The following TENM3 variants were observed in gnomAD, a reference collection of about 807,000 sequenced individuals.
TENM3 encodes the protein teneurin transmembrane protein 3.
A neutral mutation model predicts 255.1 loss-of-function variants in TENM3; 63 were observed. The observed-to-expected ratio is 0.25, with a 90% CI of 0.20 to 0.30. The LOEUF is 0.30. TENM3 is among the 10% of genes least tolerant of loss of function. The pLI is 1.00. For missense variants in TENM3, 2,929 were observed against 3,461.1 expected (o/e 0.85, Z 3.86); for synonymous variants, 1,306 against 1,322.3 (o/e 0.99, Z 0.27).
At chr4:182,402,581 A>G (rs1769280492) in intron 3 of TENM3, among the ~76,000 whole-genome samples, 2 of 152,216 alleles carry the variant, frequency 1.3e-5, no homozygotes, top group Admixed American at 1.3e-4. Flanking sequence ...AGTAAGCTTA[A>G]AAGAAAATTT....
intron 3 of TENM3, among the ~76,000 whole-genome samples, chr4:182,468,840 G>T (rs896425714): frequency 8.6e-5 from 8 of 93,554 alleles, no homozygotes; most frequent in African/African-American, 2.7e-4. Flanking sequence ...GTGTGTGTGT[G>T]TGTGTGTGTG....
chr4:182,123,443 T>C, the TENM3 span, among the ~76,000 whole-genome samples: 1 of 152,182 alleles, frequency 6.6e-6, no homozygotes, highest in South Asian at 2.1e-4. Flanking sequence ...TTCCTTTCAC[T>C]TGAACACTTA....
the TENM3 span, among the ~76,000 whole-genome samples, chr4:181,651,588 CAAA>C: frequency 1.8e-5 from 2 of 109,780 alleles, no homozygotes; most frequent in Admixed American, 1.9e-4. Context: ...GACTTGGTCT[CAAA>C]AAAAAAAAAA....
intron 1 of TENM3, among the ~76,000 whole-genome samples, chr4:182,279,571 CA>C (rs1252218865): frequency 6.6e-6 from 1 of 152,020 alleles, no homozygotes; most frequent in Non-Finnish European, 1.5e-5. Context: ...CTCGGGTGTA[CA>C]TAATTATTAA....
At chr4:182,181,493 T>C (rs1752838028) in intron 1 of TENM3, among the ~76,000 whole-genome samples, 2 of 152,252 alleles carry the variant, frequency 1.3e-5, no homozygotes, top group Admixed American at 1.3e-4. Flanking sequence ...ATATGCTCAG[T>C]ATTTGACCAC....
the TENM3 span, among the ~76,000 whole-genome samples, chr4:181,480,560 A>G: frequency 6.6e-6 from 1 of 151,980 alleles, no homozygotes; most frequent in Admixed American, 6.6e-5. Context: ...CATTATTTAG[A>G]AGGAATATTT....
the TENM3 span, among the ~76,000 whole-genome samples, chr4:181,883,987 C>G: frequency 6.6e-6 from 1 of 152,108 alleles, no homozygotes; most frequent in Non-Finnish European, 1.5e-5. Context: ...GCATCCTGGT[C>G]CCTCGGGGAA....
chr4:182,069,140 T>C, the TENM3 span, among the ~76,000 whole-genome samples: 1 of 152,124 alleles, frequency 6.6e-6, no homozygotes, highest in South Asian at 2.1e-4. Flanking sequence ...ATGCCAGTAA[T>C]AGACCCAGTA....
chr4:182,109,439 C>T, the TENM3 span, among the ~76,000 whole-genome samples: 1 of 151,560 alleles, frequency 6.6e-6, no homozygotes. Flanking sequence ...GTTTTGAATA[C>T]GAACTTATTC....
chr4:182,743,222 A>G lies in TENM3; in HGVS notation c.3432A>G (p.Pro1144=). 6.2e-7 allele frequency: 1 copy of G among 1,613,992 alleles called. No homozygotes were observed. Among genetic ancestry groups the G allele is most frequent in the Non-Finnish European group, 8.5e-7 (1 of 1,179,842 alleles). The change falls in exon 19 of 28, where the codon CCA becomes CCG. Residue 1144 remains proline (P), a synonymous_variant. Coordinates refer to ENST00000511685, the MANE Select transcript of TENM3 (RefSeq NM_001080477.4). ...GENQFISQQP[P]VVSSIMGNGR... ...ACCAGTTCATCTCCCAGCAGCCTCC[A>G]GTCGTGAGTAGCATCATGGGCAATG...
At chr4:182,136,493 C>T in the TENM3 span, among the ~76,000 whole-genome samples, 1 of 152,068 alleles carries the variant, frequency 6.6e-6, no homozygotes, top group Non-Finnish European at 1.5e-5. Context: ...TCTGAAAGGG[C>T]TGGGTGGAAG....
chr4:182,548,905 A>G (rs767898786), intron 3 of TENM3: 1 of 152,040 alleles, frequency 6.6e-6, no homozygotes, highest in Non-Finnish European at 1.5e-5. Context: ...CCCATCCCCT[A>G]CCATGGCAAC....
chr4:181,616,470 A>C, the TENM3 span, among the ~76,000 whole-genome samples: 1 of 148,784 alleles, frequency 6.7e-6, no homozygotes, highest in Admixed American at 6.8e-5. Flanking sequence ...TTATCCATAT[A>C]ATTAATATAC....
the TENM3 span, among the ~76,000 whole-genome samples, chr4:181,625,821 AAT>A: frequency 6.4e-5 from 9 of 140,514 alleles, no homozygotes; most frequent in South Asian, 2.3e-4. Context: ...CTCAAAAAAA[AAT>A]AATAATAATA....
intron 26 of TENM3, among the ~76,000 whole-genome samples, chr4:182,795,889 A>G (rs893150987): frequency 2.0e-5 from 3 of 152,392 alleles, no homozygotes; most frequent in Admixed American, 2.0e-4. Context: ...ATAAAGCTGC[A>G]AGCCTGCTGA....
chr4:181,633,082 G>A, the TENM3 span, among the ~76,000 whole-genome samples: 43 of 152,142 alleles, frequency 2.8e-4, no homozygotes, highest in Admixed American at 2.8e-3. Context: ...TTCCCTGGGG[G>A]AAACTTCAGA....
At chr4:182,419,942 C>T (rs1770693454) in intron 3 of TENM3, among the ~76,000 whole-genome samples, 2 of 151,908 alleles carry the variant, frequency 1.3e-5, no homozygotes, top group Admixed American at 1.3e-4. Flanking sequence ...AGGTGCAGCA[C>T]ACCAACATGG....
At chr4:182,575,049 C>A (rs1179036995) in intron 3 of TENM3, among the ~76,000 whole-genome samples, 1 of 152,094 alleles carries the variant, frequency 6.6e-6, no homozygotes, top group East Asian at 1.9e-4. Flanking sequence ...ACTGAGGAAG[C>A]ACTGAAGATT....
the TENM3 span, among the ~76,000 whole-genome samples, chr4:181,947,731 A>C: frequency 6.6e-6 from 1 of 152,184 alleles, no homozygotes; most frequent in African/African-American, 2.4e-5. Flanking sequence ...AAAAAAGAAA[A>C]AAAAAATGCC....
Sources: gnomAD v4.1 joint callset for allele counts (sites outside exome capture counted in the v4.1 genomes callset) on GRCh38, gnomAD v4.1.1 for gene constraint, MANE v1.5 for transcripts, NCBI Gene and HGNC (gene_info 2026-07-23, HGNC 2026-07-21) for gene names.